Variants in UBXN10 observed in about 807,000 individuals in gnomAD.
The protein encoded by UBXN10 is UBX domain-containing protein 10.
UBXN10 carries 6 observed loss-of-function variants against 6.9 expected under a neutral mutation model. The ratio of observed to expected loss-of-function variants is 0.87; its 90% CI spans 0.48 to 1.72. The LOEUF is 1.72. UBXN10 is among the 40% of genes most tolerant of loss of function. The pLI is 0.01. For missense variants in UBXN10, 317 were observed against 348.4 expected, an observed-to-expected ratio of 0.91 and a Z score of 0.72; for synonymous variants, 131 against 135.2, an observed-to-expected ratio of 0.97 and a Z score of 0.21.
intron 1 of UBXN10, among the ~76,000 whole-genome samples, chr1:20,189,886 C>T (rs1361639404): frequency 6.6e-6 from 1 of 152,210 alleles, no homozygotes; most frequent in African/African-American, 2.4e-5. Flanking sequence ...GCTCTGCCAC[C>T]AGCTGGCTGT....
rs1297107612 is a variant in UBXN10, at chr1:20,187,551, C to T, written c.-16+1398C>T. Among the ~76,000 whole-genome samples the T allele has an allele frequency of 9.8e-5, 15 of 152,310 alleles. No homozygotes were observed. The South Asian group carries it at 1.5e-3, about 15-fold the overall frequency. On this transcript the variant is annotated intron_variant, in intron 1 of 1. Coordinates refer to ENST00000375099, the MANE Select transcript of UBXN10 (RefSeq NM_152376.5). This position sits in a 1 kb window ranked among gnomAD's most constrained non-coding sequence, Gnocchi z 4.6. ...TGCTGGGGAGAGCTGGTGTTCCCTC[C>T]GTGTAACAGATGGTCCCTGTGCTCG...
At chr1:20,184,003 C>A (rs185774981), upstream of UBXN10, among the ~76,000 whole-genome samples, 190 of 152,312 alleles carry the variant, frequency 1.2e-3, 2 homozygotes, top group Admixed American at 9.9e-3. Context: ...GAAGGTCGGG[C>A]ACAAAGGCAG....
At chr1:20,188,048 C>T (rs933458830) in intron 1 of UBXN10, among the ~76,000 whole-genome samples, 1 of 152,166 alleles carries the variant, frequency 6.6e-6, no homozygotes, top group African/African-American at 2.4e-5. Context: ...GCCTGTGGAG[C>T]TTATCTTTGG....
chr1:20,185,527 C>T (rs561111537), upstream of UBXN10, among the ~76,000 whole-genome samples: 1 of 152,100 alleles, frequency 6.6e-6, no homozygotes, highest in East Asian at 1.9e-4. Context: ...CTGGGGACAT[C>T]AAAGGAGGTG....
At chr1:20,188,328 G>A (rs1016355449) in intron 1 of UBXN10, among the ~76,000 whole-genome samples, 1 of 152,188 alleles carries the variant, frequency 6.6e-6, no homozygotes, top group Non-Finnish European at 1.5e-5. Flanking sequence ...AGAGACTCAG[G>A]CTGTGAGTGG....
In UBXN10 at chr1:20,187,575, C is replaced by A. The variant is rs965390319; in HGVS notation, c.-16+1422C>A. On this transcript the variant is annotated intron_variant, in intron 1 of 1. Coordinates refer to ENST00000375099, the MANE Select transcript of UBXN10 (RefSeq NM_152376.5). The surrounding 1 kb of genome is among the most constrained non-coding windows in gnomAD (Gnocchi z 4.6). ...CCGTGTAACAGATGGTCCCTGTGCT[C>A]GGGAGGAGGCAGTGGGTTATGAAAG... is the stretch of plus-strand genomic sequence containing the variant. 6.6e-6 allele frequency among the ~76,000 whole-genome samples: 1 copy of A among 152,022 alleles called. No homozygotes were observed. The highest frequency in any genetic ancestry group is 1.5e-5 in the Non-Finnish European group (1 of 67,982).
At chr1:20,188,539 C>T (rs993002910) in intron 1 of UBXN10, among the ~76,000 whole-genome samples, 1 of 152,142 alleles carries the variant, frequency 6.6e-6, no homozygotes, top group Admixed American at 6.5e-5. Context: ...CTGAGAGGCT[C>T]AGATTACATT....
rs774265038 is a variant in UBXN10, at chr1:20,190,756, T to G, written c.195T>G (p.Ser65=). ...GVEVCAHHIP[S]PPPAIPYELP... is the part of the protein sequence containing the mutation. ...AGGTGTGCGCTCATCATATACCATC[T>G]CCGCCTCCAGCCATTCCCTATGAGT... The change falls in exon 2 of 2, where the codon TCT becomes TCG. Residue 65 remains serine, a synonymous_variant. Transcript: ENST00000375099. The G allele has an allele frequency of 1.9e-6, 3 of 1,613,914 alleles. No homozygotes were observed. Among genetic ancestry groups the G allele is most frequent in the Non-Finnish European group, 1.7e-6 (2 of 1,180,026 alleles).
chr1:20,189,026 A>C (rs1289585670), intron 1 of UBXN10, among the ~76,000 whole-genome samples: 1 of 152,174 alleles, frequency 6.6e-6, no homozygotes, highest in African/African-American at 2.4e-5. Flanking sequence ...GTTCTGAGGT[A>C]CTTAAGTAAT....
At chr1:20,183,545 G>A (rs2018310076), upstream of UBXN10, among the ~76,000 whole-genome samples, 1 of 152,230 alleles carries the variant, frequency 6.6e-6, no homozygotes. Context: ...CTCCATTAAG[G>A]AGCGTTGTGA....
chr1:20,190,272 G>A (rs1486386643), intron 1 of UBXN10, among the ~76,000 whole-genome samples: 1 of 151,982 alleles, frequency 6.6e-6, no homozygotes, highest in African/African-American at 2.4e-5. Context: ...CTTCATAGCG[G>A]TTGTTACTCT....
At chr1:20,183,353 C>T (rs549347805), upstream of UBXN10, among the ~76,000 whole-genome samples, 8 of 152,310 alleles carry the variant, frequency 5.3e-5, no homozygotes, top group South Asian at 1.2e-3. Flanking sequence ...ACCAGTGCAA[C>T]GGACAGCACA....
rs74748158 is a variant in UBXN10, at chr1:20,187,142, C to T, written c.-16+989C>T. Among the ~76,000 whole-genome samples the T allele has an allele frequency of 0.015, 2,302 of 152,212 alleles. 70 individuals are homozygous for T. Among genetic ancestry groups the T allele is most frequent in the African/African-American group, 0.052 (2,159 of 41,518 alleles). On this transcript the variant is annotated intron_variant, in intron 1 of 1. Coordinates refer to ENST00000375099, the MANE Select transcript of UBXN10 (RefSeq NM_152376.5). This position sits in a 1 kb window ranked among gnomAD's most constrained non-coding sequence, Gnocchi z 4.6. ...TTCTCCTATCCACATTTCCTTCTTT[C>T]CAGTTGATTTGGTGGTGAATCTTAA...
chr1:20,195,424 G>C lies in UBXN10; in HGVS notation c.*4020G>C, dbSNP rs918992451. 6.0e-6 allele frequency: 1 copy of C among 167,600 alleles called. No individual in the cohort carries two copies. The allele number at this position is 167,600 out of a possible 1,614,324, so 10.4% of individuals were successfully genotyped here. A position where few individuals can be genotyped will look rare whatever the true frequency, so the allele number is the denominator to read the frequency against. On this transcript the variant is annotated 3_prime_UTR_variant, in exon 2 of 2. Coordinates refer to ENST00000375099, the MANE Select transcript of UBXN10 (RefSeq NM_152376.5). ...AAGACTTGAGTGCTGGAGGTATGAAGGTGACCAGAGAGAGGTGATGGTGGT... is the reference window on the plus strand; with the variant it reads ...AAGACTTGAGTGCTGGAGGTATGAACGTGACCAGAGAGAGGTGATGGTGGT...
Position 20,192,485 on chromosome 1 carries a change from C to G in UBXN10, c.*1081C>G, listed in dbSNP as rs1478566782. On this transcript the variant is annotated 3_prime_UTR_variant, in exon 2 of 2. Coordinates refer to ENST00000375099, the MANE Select transcript of UBXN10 (RefSeq NM_152376.5). ...GGTTGACCGGCATGAAGTACATCAG[C>G]CTGTCTTAGCCTGAGCTGCTTTGAA... 2 of 167,072 alleles carry G rather than the reference C, an allele frequency of 1.2e-5. No homozygotes were observed. The highest frequency in any genetic ancestry group is 4.1e-4 in the South Asian group (2 of 4,820). 10.3% of individuals were successfully genotyped at this position (167,072 alleles called of 1,614,324 possible).
upstream of UBXN10, chr1:20,184,197 G>GCACGCACA (rs1553184789): frequency 6.7e-6 from 1 of 149,618 alleles, no homozygotes; most frequent in Non-Finnish European, 1.5e-5. Context: ...GTGCGCACAC[G>GCACGCACA]CACACACACA....
rs2018557402 is a variant in UBXN10, at chr1:20,193,898, C to G, written c.*2494C>G. On this transcript the variant is annotated 3_prime_UTR_variant, in exon 2 of 2. Coordinates refer to ENST00000375099, the MANE Select transcript of UBXN10 (RefSeq NM_152376.5). Reference sequence around the variant, plus strand: ...GGCTCAACCGGCCTAGCACACTCCTCTTGGTGGCTTTGGGTGGGTCAGCCT... The same window carrying G: ...GGCTCAACCGGCCTAGCACACTCCTGTTGGTGGCTTTGGGTGGGTCAGCCT... 1 of 167,138 alleles carries G rather than the reference C, an allele frequency of 6.0e-6. No homozygotes were observed. The highest frequency in any genetic ancestry group is 1.5e-5 in the Non-Finnish European group (1 of 68,138). The allele number at this position is 167,138 out of a possible 1,614,324, so 10.4% of individuals were successfully genotyped here. A position where few individuals can be genotyped will look rare whatever the true frequency, so the allele number is the denominator to read the frequency against.
At chr1:20,184,400 T>C (rs1194639696), upstream of UBXN10, 3 of 152,246 alleles carry the variant, frequency 2.0e-5, no homozygotes, top group African/African-American at 4.8e-5. Flanking sequence ...CAGCACTCAG[T>C]TGCAAAACCA....
rs1413089289 is a variant in UBXN10, at chr1:20,187,662, C to A, written c.-16+1509C>A. Among the ~76,000 whole-genome samples the A allele has an allele frequency of 6.6e-6, 1 of 152,158 alleles. No homozygotes were observed. The highest frequency in any genetic ancestry group is 1.5e-5 in the Non-Finnish European group (1 of 68,028). Reference sequence around the variant, plus strand: ...TAGTCTCTAAATAACCATGAGTGGGCTCCTAGGAATTAGTCATAATTGAGG... The same window carrying A: ...TAGTCTCTAAATAACCATGAGTGGGATCCTAGGAATTAGTCATAATTGAGG... On this transcript the variant is annotated intron_variant, in intron 1 of 1. Transcript: ENST00000375099. This position sits in a 1 kb window ranked among gnomAD's most constrained non-coding sequence, Gnocchi z 4.6.
Sources: gnomAD v4.1 joint callset for allele counts (sites outside exome capture counted in the v4.1 genomes callset) on GRCh38, gnomAD v4.1.1 for gene constraint, Gnocchi (gnomAD v3.1) non-coding constraint, MANE v1.5 for transcripts, NCBI Gene and HGNC (gene_info 2026-07-23, HGNC 2026-07-21) for gene names.